Variants in GPR143 observed in about 807,000 individuals in gnomAD.
The protein encoded by GPR143 is G protein-coupled receptor 143, also known as G-protein coupled receptor 143.
GPR143 carries 8 observed loss-of-function variants against 27.6 expected under a neutral mutation model. The ratio of observed to expected loss-of-function variants is 0.29; its 90% CI spans 0.17 to 0.52. The LOEUF is 0.52. GPR143 is among the 20% of genes least tolerant of loss of function. The pLI is 0.96. For synonymous variants in GPR143, 156 were observed against 153.2 expected (o/e 1.02, Z -0.13); for missense variants, 303 against 343.1 (o/e 0.88, Z 0.92).
At chrX:9,751,549 G>A (rs1426860967) in intron 3 of GPR143, among the ~76,000 whole-genome samples, 1 of 112,431 alleles carries the variant, frequency 8.9e-6, no homozygotes, top group African/African-American at 3.2e-5. Flanking sequence ...TACTCCATGG[G>A]TGAACCTCAG....
chrX:9,748,577 G>A lies in GPR143; in HGVS notation c.545C>T (p.Ser182Phe). ...GAAMLYYPSV[S>F]RCERGLDHAI... ...GGGCGCTGGAGTCCCAACTTACCTG[G>A]ACACGGAAGGGTAGTAGAGCATGGC... Residue 182 changes from serine (S) to phenylalanine (F), a missense_variant, in exon 4 of 9, where the codon TCC (serine) becomes TTC (phenylalanine). Transcript: ENST00000467482. 8.4e-7 allele frequency: 1 copy of A among 1,190,953 alleles called. No homozygotes were observed. The highest frequency in any genetic ancestry group is 1.7e-5 in the African/African-American group (1 of 57,486).
At chrX:9,769,131 T>G (rs2083544934), upstream of GPR143, among the ~76,000 whole-genome samples, 1 of 112,245 alleles carries the variant, frequency 8.9e-6, no homozygotes, top group South Asian at 3.7e-4. Flanking sequence ...GAGGTATGTG[T>G]GCAGAAACAA....
At chrX:9,727,963 G>T (rs776852683) in intron 8 of GPR143, among the ~76,000 whole-genome samples, 1 of 112,562 alleles carries the variant, frequency 8.9e-6, no homozygotes, top group South Asian at 3.7e-4. Context: ...TTTTCTCATG[G>T]CTCCTACAGT....
At chrX:9,768,278 G>C (rs1017255906), upstream of GPR143, among the ~76,000 whole-genome samples, 1 of 112,109 alleles carries the variant, frequency 8.9e-6, no homozygotes, top group African/African-American at 3.2e-5. Flanking sequence ...TGTAATCTCA[G>C]CACTTAAGGA....
intron 3 of GPR143, among the ~76,000 whole-genome samples, chrX:9,758,046 A>C (rs772765294): frequency 5.4e-5 from 6 of 111,266 alleles, no homozygotes; most frequent in Admixed American, 9.6e-5. Flanking sequence ...TTACAGGTGT[A>C]AGCCACTGTG....
At chrX:9,727,833 C>T (rs1032904512) in intron 8 of GPR143, among the ~76,000 whole-genome samples, 1 of 112,417 alleles carries the variant, frequency 8.9e-6, no homozygotes, top group Non-Finnish European at 1.9e-5. Context: ...GCAGCTTACT[C>T]TGTGTTCCTC....
In GPR143 at chrX:9,764,504, G is replaced by GCACA. The variant is rs201690882; in HGVS notation, c.250+1060_250+1063dup. ...ACAATAGAAAAGAATTTACACACGC[G>GCACA]CACACACACACACACACACACACAC... is the stretch of plus-strand genomic sequence containing the variant. On this transcript the variant is annotated intron_variant, in intron 1 of 8. Transcript: ENST00000467482. Among the ~76,000 whole-genome samples, 247 of 99,085 alleles carry GCACA rather than the reference G, an allele frequency of 2.5e-3. 2 individuals carry two copies. Among genetic ancestry groups the GCACA allele is most frequent in the East Asian group, 0.012 (37 of 2,990 alleles). The allele number at this position is 99,085 out of a possible 115,157, so 86.0% of individuals were successfully genotyped here.
intron 1 of GPR143, among the ~76,000 whole-genome samples, chrX:9,777,783 C>T (rs1032600418): frequency 1.2e-5 from 1 of 84,497 alleles, no homozygotes; most frequent in African/African-American, 4.5e-5. Context: ...AGTGAGACTC[C>T]ATCTCTTTAA....
rs199828615 is a variant in GPR143 at position 9,725,979 on chromosome X, G to GC, written c.1121-140dup. ...CAAAGTCCTAGCATTCATCTCATCTGCAAAAAAAAAAAAAAAAAAAAAAAA... is the reference window on the plus strand; with the variant it reads ...CAAAGTCCTAGCATTCATCTCATCTGCCAAAAAAAAAAAAAAAAAAAAAAAA... On this transcript the variant is annotated intron_variant, in intron 8 of 8. Coordinates refer to ENST00000467482, the MANE Select transcript of GPR143 (RefSeq NM_000273.3). 4 of 279,517 alleles carry GC rather than the reference G, an allele frequency of 1.4e-5. No individual in the cohort carries two copies. The African/African-American group carries it at 3.2e-4, about 22-fold the overall frequency. 23.0% of individuals were successfully genotyped at this position (279,517 alleles called of 1,213,427 possible).
intron 1 of GPR143, among the ~76,000 whole-genome samples, chrX:9,761,442 G>A (rs971048243): frequency 5.3e-5 from 6 of 112,251 alleles, no homozygotes; most frequent in African/African-American, 1.6e-4. Flanking sequence ...GCACTTTAAC[G>A]CAAACCATAG....
At chrX:9,751,506 T>C (rs1356111080) in intron 3 of GPR143, among the ~76,000 whole-genome samples, 1 of 112,201 alleles carries the variant, frequency 8.9e-6, no homozygotes, top group Admixed American at 9.5e-5. Flanking sequence ...GAAGGTAATA[T>C]CGAGTTGAAA....
At chrX:9,750,096 C>T (rs1300255951) in intron 3 of GPR143, among the ~76,000 whole-genome samples, 1 of 111,822 alleles carries the variant, frequency 8.9e-6, no homozygotes, top group African/African-American at 3.3e-5. Context: ...GAATACCATT[C>T]CATTGTATAC....
intron 3 of GPR143, among the ~76,000 whole-genome samples, chrX:9,757,754 T>TTTG (rs201046221): frequency 6.3e-5 from 7 of 110,685 alleles, no homozygotes; most frequent in Non-Finnish European, 7.6e-5. Flanking sequence ...AGCTGGGTTT[T>TTTG]TTGTTGTTGT....
intron 3 of GPR143, among the ~76,000 whole-genome samples, chrX:9,751,360 G>A (rs752843272): frequency 8.9e-6 from 1 of 112,640 alleles, no homozygotes; most frequent in Non-Finnish European, 1.9e-5. Context: ...TGCTCAGGGA[G>A]GTGGAGACAT....
rs1428300697 is a variant in GPR143, at chrX:9,741,121, T to C, written c.885+217A>G. The C allele has an allele frequency of 2.7e-5, 8 of 297,325 alleles. No homozygotes were observed. In the East Asian group the frequency reaches 3.5e-4, roughly 13 times the overall value. 24.5% of individuals were successfully genotyped at this position (297,325 alleles called of 1,213,427 possible). A position where few individuals can be genotyped will look rare whatever the true frequency, so the allele number is the denominator to read the frequency against. On this transcript the variant is annotated intron_variant, in intron 7 of 8. Coordinates refer to ENST00000467482, the MANE Select transcript of GPR143 (RefSeq NM_000273.3). ...AAATATAGATAATTAAAAAAAGAGATGGGGTCTCCCTACATTGCCCAGGGT... is the reference window on the plus strand; with the variant it reads ...AAATATAGATAATTAAAAAAAGAGACGGGGTCTCCCTACATTGCCCAGGGT...
chrX:9,770,357 G>GAGAGAGAGAGAGAGAGAGA (rs1569127506), upstream of GPR143, among the ~76,000 whole-genome samples: 8 of 93,724 alleles, frequency 8.5e-5, no homozygotes, highest in African/African-American at 3.2e-4. Context: ...GAGAGAGAGA[G>GAGAGAGAGAGAGAGAGAGA]GAAGACCAGC....
chrX:9,740,244 C>T (rs376167079), intron 7 of GPR143, among the ~76,000 whole-genome samples: 4 of 112,111 alleles, frequency 3.6e-5, no homozygotes, highest in African/African-American at 9.7e-5. Flanking sequence ...GTCTGGGAAA[C>T]ATCCCTCCAC....
At chrX:9,727,694 G>A (rs1427707132) in intron 8 of GPR143, among the ~76,000 whole-genome samples, 1 of 112,812 alleles carries the variant, frequency 8.9e-6, no homozygotes, top group Non-Finnish European at 1.9e-5. Flanking sequence ...CACAGGTTAT[G>A]GGCTTTCACA....
chrX:9,757,217 C>T (rs2083477160), intron 3 of GPR143, among the ~76,000 whole-genome samples: 1 of 111,913 alleles, frequency 8.9e-6, no homozygotes, highest in Admixed American at 9.5e-5. Flanking sequence ...GGCCCTGCTT[C>T]CTGGTTCATA....
Sources: gnomAD v4.1 joint callset for allele counts (sites outside exome capture counted in the v4.1 genomes callset) on GRCh38, gnomAD v4.1.1 for gene constraint, MANE v1.5 for transcripts, NCBI Gene and HGNC (gene_info 2026-07-23, HGNC 2026-07-21) for gene names.